The following PCDHGB6 variants were observed in gnomAD, a reference collection of about 807,000 sequenced individuals.
The protein encoded by PCDHGB6 is protocadherin gamma-B6.
A neutral mutation model predicts 59.1 loss-of-function variants in PCDHGB6; 51 were observed. That is an observed-to-expected ratio of 0.86 (90% CI 0.69 to 1.09). The LOEUF is 1.09. Among genes scored for constraint, PCDHGB6 ranks in the 50% least tolerant of loss-of-function variants. The pLI is 0.00. For synonymous variants in PCDHGB6, 466 were observed against 495.1 expected (o/e 0.94, Z 0.78); for missense variants, 1,148 against 1,205.1 (o/e 0.95, Z 0.70).
chr5:141,442,702 T>G (rs1301940560), intron 1 of PCDHGB6, among the ~76,000 whole-genome samples: 6 of 152,224 alleles, frequency 3.9e-5, no homozygotes, highest in Non-Finnish European at 8.8e-5. Context: ...GACAAGAGTA[T>G]CAGACATGCC....
intron 1 of PCDHGB6, chr5:141,421,239 G>A (rs773410079): frequency 6.3e-7 from 1 of 1,599,000 alleles, no homozygotes; most frequent in South Asian, 1.1e-5. Context: ...TGGCGAATCG[G>A]CTACAGCGCG....
chr5:141,485,546 G>C lies in PCDHGB6; in HGVS notation c.2419-9261G>C. The C allele has an allele frequency of 6.2e-7, 1 of 1,614,074 alleles. No individual in the cohort carries two copies. ...GTACCGAGCAGAGGTAGAGATCGTA[G>C]ATGTGAATGATCACGCCCCCCGTTT... is the stretch of plus-strand genomic sequence containing the variant. On this transcript the variant is annotated intron_variant, in intron 1 of 3. Coordinates refer to ENST00000520790, the MANE Select transcript of PCDHGB6 (RefSeq NM_018926.3). The surrounding 1 kb of genome is among the most constrained non-coding windows in gnomAD (Gnocchi z 5.7).
intron 1 of PCDHGB6, chr5:141,433,370 T>TCTAA (rs1466476027): frequency 1.8e-6 from 1 of 554,768 alleles, no homozygotes; most frequent in African/African-American, 1.9e-5. Context: ...TATCTATCTA[T>TCTAA]CTATCTATCT....
intron 1 of PCDHGB6, among the ~76,000 whole-genome samples, chr5:141,488,802 A>G (rs910422824): frequency 2.0e-5 from 3 of 152,294 alleles, no homozygotes; most frequent in Middle Eastern, 3.4e-3. Flanking sequence ...CCTGTTGAGT[A>G]CCATCTGAGC....
At chr5:141,438,957 C>T (rs1292059651) in intron 1 of PCDHGB6, among the ~76,000 whole-genome samples, 1 of 152,026 alleles carries the variant, frequency 6.6e-6, no homozygotes, top group Non-Finnish European at 1.5e-5. Context: ...TGAGCCACCG[C>T]ACCCTGCCAA....
chr5:141,478,049 A>G, intron 1 of PCDHGB6: 2 of 1,614,056 alleles, frequency 1.2e-6, no homozygotes, highest in Middle Eastern at 3.3e-4. Flanking sequence ...GCAGACTCTC[A>G]CGGTCTTGAT....
intron 1 of PCDHGB6, chr5:141,422,123 C>A: frequency 6.2e-7 from 1 of 1,601,290 alleles, no homozygotes; most frequent in South Asian, 1.1e-5. Context: ...GATTCACAAA[C>A]TGGAGAAGTT....
chr5:141,413,994 G>A, intron 1 of PCDHGB6: 1 of 1,613,422 alleles, frequency 6.2e-7, no homozygotes, highest in Non-Finnish European at 8.5e-7. Context: ...CCACCGACAG[G>A]GACGAAGGTG....
chr5:141,462,668 T>C (rs778396861), intron 1 of PCDHGB6, among the ~76,000 whole-genome samples: 10 of 152,232 alleles, frequency 6.6e-5, no homozygotes, highest in Non-Finnish European at 1.5e-4. Flanking sequence ...CTTCATATTT[T>C]TCTTTAAATT....
At chr5:141,427,897 C>T (rs866283444) in intron 1 of PCDHGB6, 1 of 1,571,008 alleles carries the variant, frequency 6.4e-7, no homozygotes. Context: ...CAGGGCTCGC[C>T]CGCGCTCAGC....
Position 141,432,400 on chromosome 5 carries a change from G to C in PCDHGB6, c.2418+21780G>C, listed in dbSNP as rs139153105. ...ACCCGCCCCTCAGCAGCAACGTGTC[G>C]TTGAGCCTGTTCGTGCTGGACCAGA... is the stretch of plus-strand genomic sequence containing the variant. On this transcript the variant is annotated intron_variant, in intron 1 of 3. Coordinates refer to ENST00000520790, the MANE Select transcript of PCDHGB6 (RefSeq NM_018926.3). This position sits in a 1 kb window ranked among gnomAD's most constrained non-coding sequence, Gnocchi z 6.0. 1.2e-6 allele frequency: 2 copies of C among 1,614,240 alleles called. No individual in the cohort carries two copies. Among genetic ancestry groups the C allele is most frequent in the South Asian group, 2.2e-5 (2 of 91,090 alleles).
At chr5:141,410,705 A>G (rs1462423983) in intron 1 of PCDHGB6, 85 bp downstream of exon 1, 1 of 1,460,780 alleles carries the variant, frequency 6.8e-7, no homozygotes, top group Non-Finnish European at 9.1e-7. Context: ...TTTCATATCT[A>G]GAATCATATG....
chr5:141,434,795 T>C (rs1027924206), intron 1 of PCDHGB6, among the ~76,000 whole-genome samples: 2 of 152,004 alleles, frequency 1.3e-5, no homozygotes, highest in African/African-American at 2.4e-5. Context: ...TTTTTTTTTC[T>C]GAGCTTGGAG....
Position 141,432,562 on chromosome 5 carries a change from C to G in PCDHGB6, c.2418+21942C>G. On this transcript the variant is annotated intron_variant, in intron 1 of 3. Coordinates refer to ENST00000520790, the MANE Select transcript of PCDHGB6 (RefSeq NM_018926.3). The surrounding 1 kb of genome is among the most constrained non-coding windows in gnomAD (Gnocchi z 6.0). ...CGGTGGACAGAGACTCCGGCCAGAA[C>G]GCCTGGCTGTCCTACCGTCTGCTCA... 1 of 1,613,964 alleles carries G rather than the reference C, an allele frequency of 6.2e-7. No homozygotes were observed. Among genetic ancestry groups the G allele is most frequent in the Non-Finnish European group, 8.5e-7 (1 of 1,180,004 alleles).
intron 1 of PCDHGB6, chr5:141,427,871 GA>G: frequency 6.4e-7 from 1 of 1,559,532 alleles, no homozygotes; most frequent in Non-Finnish European, 8.8e-7. Context: ...TCGAGCTCAC[GA>G]TGCAGGCCCA....
chr5:141,511,713 C>T lies in PCDHGB6; in HGVS notation c.*540C>T. 5.4e-6 allele frequency: 1 copy of T among 186,446 alleles called. No individual in the cohort carries two copies. Among genetic ancestry groups the T allele is most frequent in the Admixed American group, 5.3e-5 (1 of 18,840 alleles). The allele number at this position is 186,446 out of a possible 1,614,324, so 11.5% of individuals were successfully genotyped here. ...TTGGTGCCAGCCCCTTCACCTCCTT[C>T]CAGAGCCCAAGATCAATGCTCAAGT... On this transcript the variant is annotated 3_prime_UTR_variant, in exon 4 of 4. Transcript: ENST00000520790.
rs781363259 is a variant in PCDHGB6 at position 141,409,723 on chromosome 5, G to T, written c.1521G>T (p.Val507=). ...EPLAVSSYVS[V]SAQSGVVFAQ... ...TGGCGGTGTCGTCATACGTGTCAGT[G>T]AGCGCGCAGAGCGGGGTGGTGTTCG... The change falls in exon 1 of 4, where the codon GTG becomes GTT. Residue 507 remains valine (V), a synonymous_variant. Coordinates refer to ENST00000520790, the MANE Select transcript of PCDHGB6 (RefSeq NM_018926.3). The T allele has an allele frequency of 6.2e-7, 1 of 1,613,154 alleles. No individual in the cohort carries two copies. The highest frequency in any genetic ancestry group is 8.5e-7 in the Non-Finnish European group (1 of 1,179,894).
chr5:141,499,275 C>T (rs1259707742), intron 2 of PCDHGB6, among the ~76,000 whole-genome samples: 1 of 152,178 alleles, frequency 6.6e-6, no homozygotes, highest in African/African-American at 2.4e-5. Flanking sequence ...CTAGACTGTT[C>T]TCTGATGGCT....
intron 1 of PCDHGB6, among the ~76,000 whole-genome samples, chr5:141,468,890 G>A (rs2099184679): frequency 6.6e-6 from 1 of 151,592 alleles, no homozygotes; most frequent in African/African-American, 2.4e-5. Flanking sequence ...TAATAATAAG[G>A]TACTAATATG....
Sources: allele counts gnomAD v4.1 joint callset (sites outside exome capture counted in the v4.1 genomes callset), GRCh38; gene constraint gnomAD v4.1.1; non-coding constraint Gnocchi (gnomAD v3.1); transcripts MANE v1.5; gene names NCBI Gene and HGNC (gene_info 2026-07-23, HGNC 2026-07-21).